The following RBMS1 variants were observed in gnomAD, a reference collection of about 807,000 sequenced individuals.
RBMS1 encodes the protein RNA binding motif single stranded interacting protein 1.
In RBMS1, 17 loss-of-function variants were observed where a neutral mutation model predicts 62.3. That is an observed-to-expected ratio of 0.27 (90% CI 0.19 to 0.41). The LOEUF (loss-of-function observed/expected upper bound fraction) is 0.41, where lower values mean the gene tolerates loss of function less well. RBMS1 is among the 10% of genes least tolerant of loss of function. The pLI, the probability that RBMS1 is intolerant of heterozygous loss-of-function variation, is 1.00. For synonymous variants in RBMS1, 172 were observed against 170.0 expected (o/e 1.01, Z -0.09); for missense variants, 334 against 504.5 (o/e 0.66, Z 3.24).
At chr2:160,445,654 C>G (rs965506064) in intron 1 of RBMS1, among the ~76,000 whole-genome samples, 3 of 152,182 alleles carry the variant, frequency 2.0e-5, no homozygotes, top group African/African-American at 7.2e-5. Flanking sequence ...TTCAGAGTAG[C>G]CACAATGTGC....
intron 6 of RBMS1, among the ~76,000 whole-genome samples, chr2:160,297,674 G>A (rs1354963659): frequency 6.6e-6 from 1 of 152,196 alleles, no homozygotes; most frequent in Non-Finnish European, 1.5e-5. Flanking sequence ...GAGAAGGCAA[G>A]CCCTGAACAC....
At chr2:160,342,345 G>A (rs1691916326) in intron 2 of RBMS1, among the ~76,000 whole-genome samples, 2 of 152,114 alleles carry the variant, frequency 1.3e-5, no homozygotes, top group South Asian at 4.1e-4. Flanking sequence ...ACTATTTAGA[G>A]TATTTAAATG....
intron 1 of RBMS1, among the ~76,000 whole-genome samples, chr2:160,401,112 C>G (rs186811755): frequency 4.7e-4 from 71 of 152,228 alleles, no homozygotes; most frequent in Non-Finnish European, 8.1e-4. Flanking sequence ...ATTTGTGATT[C>G]TATAGCAGAG....
chr2:160,393,499 C>A (rs554836472), intron 1 of RBMS1, among the ~76,000 whole-genome samples: 1 of 152,054 alleles, frequency 6.6e-6, no homozygotes, highest in Non-Finnish European at 1.5e-5. Context: ...CCAAGCTGGC[C>A]GGGCGCGGTG....
At chr2:160,425,102 C>G (rs1574041878) in intron 1 of RBMS1, among the ~76,000 whole-genome samples, 1 of 152,140 alleles carries the variant, frequency 6.6e-6, no homozygotes, top group South Asian at 2.1e-4. Flanking sequence ...AAATTATCAT[C>G]TCCATTCCTG....
chr2:160,391,795 T>C (rs1444181955), intron 1 of RBMS1, among the ~76,000 whole-genome samples: 1 of 152,008 alleles, frequency 6.6e-6, no homozygotes, highest in Non-Finnish European at 1.5e-5. Context: ...CTGGCCAACA[T>C]GGCGAAACCC....
intron 1 of RBMS1, 27 bp downstream of exon 1, chr2:160,493,262 C>G (rs775569713): frequency 1.2e-6 from 2 of 1,607,734 alleles, no homozygotes. Context: ...CTCCTCCGGC[C>G]GTCACCTCTC....
chr2:160,283,451 A>G (rs1186502996), intron 9 of RBMS1: 2 of 152,238 alleles, frequency 1.3e-5, no homozygotes, highest in Non-Finnish European at 2.9e-5. Flanking sequence ...AAGCACCAGA[A>G]TAAGTAACAT....
chr2:160,445,792 A>G (rs897014945), intron 1 of RBMS1, among the ~76,000 whole-genome samples: 2 of 152,242 alleles, frequency 1.3e-5, no homozygotes, highest in Non-Finnish European at 2.9e-5. Context: ...CAGAGGAACA[A>G]CTAAGCTATC....
At chr2:160,487,082 CAT>C (rs1685629144) in intron 1 of RBMS1, among the ~76,000 whole-genome samples, 1 of 151,618 alleles carries the variant, frequency 6.6e-6, no homozygotes, top group African/African-American at 2.4e-5. Flanking sequence ...GAGAAGTTAA[CAT>C]AAAGTACAAA....
At position 160,393,271 on chromosome 2, in the gene RBMS1, T is replaced by C. The variant is rs565151677; in HGVS notation, c.76-25880A>G. ...AGCTGCAAATCAGACATGTTCTTACTAGGCATTTCTTAAATATCTGAAGCT... is the reference window on the plus strand; with the variant it reads ...AGCTGCAAATCAGACATGTTCTTACCAGGCATTTCTTAAATATCTGAAGCT... On this transcript the variant is annotated intron_variant, in intron 1 of 13. Transcript: ENST00000348849. 3.2e-4 allele frequency among the ~76,000 whole-genome samples: 48 copies of C among 152,338 alleles called. No individual in the cohort carries two copies. The South Asian group carries it at 9.3e-3, about 30-fold the overall frequency.
At chr2:160,314,056 G>A (rs1467541107) in intron 3 of RBMS1, among the ~76,000 whole-genome samples, 1 of 152,122 alleles carries the variant, frequency 6.6e-6, no homozygotes, top group Non-Finnish European at 1.5e-5. Context: ...GAAAAGGGGG[G>A]CTGGGGTGAT....
intron 2 of RBMS1, among the ~76,000 whole-genome samples, chr2:160,362,567 C>A (rs907071845): frequency 1.3e-5 from 2 of 152,074 alleles, no homozygotes; most frequent in Non-Finnish European, 2.9e-5. Context: ...TGATTAAGTC[C>A]TATATGGGAA....
At chr2:160,338,879 T>C (rs1011709748) in intron 2 of RBMS1, among the ~76,000 whole-genome samples, 2 of 152,192 alleles carry the variant, frequency 1.3e-5, no homozygotes, top group Non-Finnish European at 2.9e-5. Flanking sequence ...GCAAACACTA[T>C]TGGTTCCAGG....
chr2:160,439,810 T>G (rs1333279883), intron 1 of RBMS1, among the ~76,000 whole-genome samples: 1 of 152,102 alleles, frequency 6.6e-6, no homozygotes, highest in African/African-American at 2.4e-5. Context: ...CCCAGCACCT[T>G]GGGAGGCCGA....
chr2:160,448,692 T>C (rs1156592871), intron 1 of RBMS1, among the ~76,000 whole-genome samples: 1 of 152,188 alleles, frequency 6.6e-6, no homozygotes, highest in East Asian at 1.9e-4. Flanking sequence ...AGTGCCGAGA[T>C]TGCAGCCTCT....
At chr2:160,370,103 A>G (rs2105163681) in intron 1 of RBMS1, among the ~76,000 whole-genome samples, 1 of 152,304 alleles carries the variant, frequency 6.6e-6, no homozygotes, top group Middle Eastern at 3.4e-3. Context: ...ATCTCCCAGC[A>G]TCTGATCCCA....
intron 3 of RBMS1, among the ~76,000 whole-genome samples, chr2:160,315,321 A>C (rs933383498): frequency 6.6e-6 from 1 of 152,208 alleles, no homozygotes; most frequent in African/African-American, 2.4e-5. Flanking sequence ...AGTAAATAGA[A>C]GACAATATAC....
intron 1 of RBMS1, among the ~76,000 whole-genome samples, chr2:160,481,884 T>C (rs1685387047): frequency 6.6e-6 from 1 of 152,164 alleles, no homozygotes; most frequent in Admixed American, 6.5e-5. Context: ...CAATTAGATT[T>C]CTCATGCCTT....
Sources: gnomAD v4.1 joint callset for allele counts (sites outside exome capture counted in the v4.1 genomes callset) on GRCh38, gnomAD v4.1.1 for gene constraint, MANE v1.5 for transcripts, NCBI Gene and HGNC (gene_info 2026-07-23, HGNC 2026-07-21) for gene names.